OLFM3: variants seen among roughly 807,000 people sequenced by gnomAD.
The protein encoded by OLFM3 is olfactomedin 3.
A neutral mutation model predicts 48.6 loss-of-function variants in OLFM3; 20 were observed. The ratio of observed to expected loss-of-function variants is 0.41; its 90% CI spans 0.29 to 0.60. The LOEUF (loss-of-function observed/expected upper bound fraction) is 0.60. Ranked by LOEUF, OLFM3 falls within the 20% of genes least tolerant of loss-of-function variation. The probability of loss-of-function intolerance (pLI) is 0.28; values close to 1 mark genes in which losing one functional copy is unlikely to be tolerated. For synonymous variants in OLFM3, 222 were observed against 198.1 expected (o/e 1.12, Z -1.01); for missense variants, 437 against 544.3 (o/e 0.80, Z 1.96).
At chr1:101,820,231 A>G (rs1405180141) in intron 4 of OLFM3, among the ~76,000 whole-genome samples, 1 of 152,150 alleles carries the variant, frequency 6.6e-6, no homozygotes, top group Non-Finnish European at 1.5e-5. Flanking sequence ...TCTGTTAAAC[A>G]TGAAGTCCCA....
Position 101,804,302 on chromosome 1 carries a change from T to C in OLFM3, c.1313A>G (p.Asn438Ser). 6.2e-7 allele frequency: 1 copy of C among 1,611,748 alleles called. No individual in the cohort carries two copies. The highest frequency in any genetic ancestry group is 8.5e-7 in the Non-Finnish European group (1 of 1,178,576). Residue 438 changes from asparagine to serine, a missense_variant, in exon 6 of 6, where the codon AAT becomes AGT. Physicochemically the swap from Asn to Ser is conservative, Grantham distance 46. Transcript: ENST00000370103. The surrounding 1 kb of genome is among the most constrained non-coding windows in gnomAD (Gnocchi z 4.5). Reference sequence around the variant, plus strand: ...GACATTGAACAGCACCTGGTGGCCATTGTTCCAGGCATAGAGAGCTCGATC... The same window carrying C: ...GACATTGAACAGCACCTGGTGGCCACTGTTCCAGGCATAGAGAGCTCGATC... ...ARDRALYAWN[N>S]GHQVLFNVTL...
intron 4 of OLFM3, among the ~76,000 whole-genome samples, chr1:101,811,018 G>A (rs1456594469): frequency 1.3e-5 from 2 of 151,648 alleles, no homozygotes; most frequent in Non-Finnish European, 2.9e-5. Context: ...AGGAGAAAAT[G>A]TTAGTCTAAA....
chr1:101,911,422 T>G (rs776448478), intron 1 of OLFM3, among the ~76,000 whole-genome samples: 4 of 152,080 alleles, frequency 2.6e-5, no homozygotes, highest in Admixed American at 6.6e-5. Context: ...GACTGAAACC[T>G]CATGGGCCCC....
At chr1:101,930,353 T>A (rs1421818188) in intron 1 of OLFM3, among the ~76,000 whole-genome samples, 1 of 152,166 alleles carries the variant, frequency 6.6e-6, no homozygotes, top group Non-Finnish European at 1.5e-5. Context: ...CTCTGTGAGT[T>A]TTTTTGAAAG....
At chr1:101,873,590 ATGG>A (rs1226547747) in intron 1 of OLFM3, among the ~76,000 whole-genome samples, 5 of 151,798 alleles carry the variant, frequency 3.3e-5, no homozygotes, top group African/African-American at 1.2e-4. Flanking sequence ...CAACTTTTTC[ATGG>A]TTATGAGTAC....
intron 1 of OLFM3, among the ~76,000 whole-genome samples, chr1:101,962,870 C>T (rs1469025979): frequency 1.3e-5 from 2 of 152,154 alleles, no homozygotes; most frequent in African/African-American, 4.8e-5. Context: ...TAGAGAGGAG[C>T]AGACGTGGAA....
chr1:101,925,446 A>G (rs1410501462), intron 1 of OLFM3, among the ~76,000 whole-genome samples: 1 of 151,622 alleles, frequency 6.6e-6, no homozygotes, highest in African/African-American at 2.4e-5. Flanking sequence ...CTACCATAGT[A>G]CTCATCATAG....
At chr1:101,838,881 A>G (rs1302919107) in intron 1 of OLFM3, among the ~76,000 whole-genome samples, 1 of 152,252 alleles carries the variant, frequency 6.6e-6, no homozygotes, top group East Asian at 1.9e-4. Context: ...AATTCACAGC[A>G]GAAGAGACAC....
At chr1:101,885,322 C>G (rs1657705625) in intron 1 of OLFM3, among the ~76,000 whole-genome samples, 1 of 151,994 alleles carries the variant, frequency 6.6e-6, no homozygotes, top group African/African-American at 2.4e-5. Flanking sequence ...CAGAAAGTAT[C>G]TGATTATTCA....
chr1:101,824,645 AC>A (rs1475627486), intron 4 of OLFM3, among the ~76,000 whole-genome samples: 6 of 9,710 alleles, frequency 6.2e-4, no homozygotes, highest in Non-Finnish European at 1.7e-3. Context: ...CACTAACCAA[AC>A]AACAACAACA....
At chr1:101,824,754 A>T (rs548312082) in intron 4 of OLFM3, among the ~76,000 whole-genome samples, 1 of 152,278 alleles carries the variant, frequency 6.6e-6, no homozygotes, top group East Asian at 1.9e-4. Flanking sequence ...ATGTATATCC[A>T]CTAGTGTAGT....
chr1:101,953,688 G>A (rs1660209654), intron 1 of OLFM3, among the ~76,000 whole-genome samples: 1 of 152,106 alleles, frequency 6.6e-6, no homozygotes, highest in Non-Finnish European at 1.5e-5. Context: ...CAAATGTTTA[G>A]TTCAGTCCAG....
intron 1 of OLFM3, among the ~76,000 whole-genome samples, chr1:101,948,008 C>T (rs572430921): frequency 1.3e-5 from 2 of 152,134 alleles, no homozygotes; most frequent in African/African-American, 2.4e-5. Flanking sequence ...TCTTAGAGGC[C>T]TGGAAATTAT....
chr1:101,830,923 A>C (rs1655118798), intron 2 of OLFM3, 96 bp from the exon 3 acceptor site: 1 of 1,069,310 alleles, frequency 9.4e-7, no homozygotes, highest in Admixed American at 2.5e-5. Context: ...TAAAAACTAG[A>C]AGTGCCAAAT....
intron 1 of OLFM3, chr1:101,893,551 T>C (rs951285880): frequency 1.8e-5 from 5 of 279,670 alleles, no homozygotes; most frequent in African/African-American, 6.8e-5. Context: ...GATATTATCA[T>C]TGCATTAGAT....
chr1:101,996,830 T>G lies in OLFM3; in HGVS notation c.-14A>C. 6.2e-7 allele frequency: 1 copy of G among 1,614,126 alleles called. No homozygotes were observed. Among genetic ancestry groups the G allele is most frequent in the South Asian group, 1.1e-5 (1 of 91,086 alleles). Reference sequence around the variant, plus strand: ...CGTCGCCTGCATTCTGATCTGGGTTTTTGCCCCTCTTTACTCTCTTTTATG... The same window carrying G: ...CGTCGCCTGCATTCTGATCTGGGTTGTTGCCCCTCTTTACTCTCTTTTATG... On this transcript the variant is annotated 5_prime_UTR_variant, in exon 1 of 6. Coordinates refer to ENST00000370103, the MANE Select transcript of OLFM3 (RefSeq NM_058170.4).
At chr1:101,982,302 C>A (rs370596061) in intron 1 of OLFM3, among the ~76,000 whole-genome samples, 1 of 151,776 alleles carries the variant, frequency 6.6e-6, no homozygotes, top group African/African-American at 2.4e-5. Context: ...ATCATGGAGA[C>A]CTTGAGGTAA....
intron 1 of OLFM3, among the ~76,000 whole-genome samples, chr1:101,938,168 G>C (rs1659680806): frequency 6.6e-6 from 1 of 152,104 alleles, no homozygotes; most frequent in Non-Finnish European, 1.5e-5. Context: ...CTCAATATTT[G>C]TTTAACATCC....
intron 1 of OLFM3, among the ~76,000 whole-genome samples, chr1:101,872,544 T>C (rs895893022): frequency 9.2e-5 from 14 of 152,156 alleles, no homozygotes; most frequent in South Asian, 2.1e-4. Context: ...TAGCTTACTT[T>C]TCAACTTTTA....
Sources: allele counts gnomAD v4.1 joint callset (sites outside exome capture counted in the v4.1 genomes callset), GRCh38; gene constraint gnomAD v4.1.1; non-coding constraint Gnocchi (gnomAD v3.1); transcripts MANE v1.5; gene names NCBI Gene and HGNC (gene_info 2026-07-23, HGNC 2026-07-21).